MELK: variants seen among roughly 807,000 people sequenced by gnomAD.
MELK encodes the protein pEg3 kinase.
In MELK, 81 loss-of-function variants were observed where a neutral mutation model predicts 85.0. The ratio of observed to expected loss-of-function variants is 0.95; its 90% CI spans 0.80 to 1.15. MELK has a LOEUF of 1.15. Among genes scored for constraint, MELK ranks in the 50% most tolerant of loss-of-function variants. The pLI is 0.00. For missense variants in MELK, 754 were observed against 777.5 expected (o/e 0.97, Z 0.36); for synonymous variants, 252 against 265.0 (o/e 0.95, Z 0.48).
At chr9:36,658,017 G>A (rs560934867) in intron 13 of MELK, among the ~76,000 whole-genome samples, 1 of 151,476 alleles carries the variant, frequency 6.6e-6, no homozygotes, top group Admixed American at 6.6e-5. Flanking sequence ...CCAAAATTAA[G>A]ATATAAAACA....
intron 7 of MELK, among the ~76,000 whole-genome samples, chr9:36,605,370 G>T (rs141774239): frequency 6.6e-6 from 1 of 151,794 alleles, no homozygotes; most frequent in East Asian, 1.9e-4. Flanking sequence ...TACCACACCC[G>T]GCCAAATTTT....
At chr9:36,601,076 A>C (rs1224307189) in intron 7 of MELK, among the ~76,000 whole-genome samples, 1 of 151,536 alleles carries the variant, frequency 6.6e-6, no homozygotes, top group Non-Finnish European at 1.5e-5. Flanking sequence ...TCCTTTTATT[A>C]CTCAATATTT....
chr9:36,591,978 C>T (rs888258465), intron 4 of MELK, among the ~76,000 whole-genome samples: 1 of 151,778 alleles, frequency 6.6e-6, no homozygotes, highest in Non-Finnish European at 1.5e-5. Flanking sequence ...CTCTCTTTCC[C>T]CTACATCCCA....
At chr9:36,658,119 T>C (rs1238014241) in intron 13 of MELK, among the ~76,000 whole-genome samples, 7 of 152,194 alleles carry the variant, frequency 4.6e-5, no homozygotes, top group Admixed American at 4.6e-4. Context: ...TCTTTCCTTT[T>C]GATAATCTTT....
intron 14 of MELK, among the ~76,000 whole-genome samples, chr9:36,668,757 CCCTCCTCG>C: frequency 6.6e-6 from 1 of 152,010 alleles, no homozygotes; most frequent in Admixed American, 6.5e-5. Context: ...TCATGATCCG[CCCTCCTCG>C]GCCTCCCAAG....
chr9:36,624,349 GGATTTGA>G (rs1424733319), intron 8 of MELK, among the ~76,000 whole-genome samples: 17 of 152,264 alleles, frequency 1.1e-4, no homozygotes, highest in Admixed American at 9.2e-4. Flanking sequence ...GGTAGATCCT[GGATTTGA>G]ACCTAGCCAA....
intron 8 of MELK, among the ~76,000 whole-genome samples, chr9:36,611,649 C>G (rs923087171): frequency 3.4e-4 from 51 of 151,928 alleles, no homozygotes; most frequent in Non-Finnish European, 1.8e-4. Flanking sequence ...GTCTTAGTTT[C>G]TTTGTCTGTA....
intron 8 of MELK, among the ~76,000 whole-genome samples, chr9:36,626,939 CAA>C (rs916058996): frequency 2.3e-5 from 3 of 131,444 alleles, no homozygotes; most frequent in African/African-American, 8.6e-5. Flanking sequence ...GCCTGGGCAA[CAA>C]GAGTGAAACT....
At chr9:36,657,430 T>C in intron 13 of MELK, 67 bp downstream of exon 13, 1 of 1,503,578 alleles carries the variant, frequency 6.7e-7, no homozygotes, top group African/African-American at 1.4e-5. Context: ...ACCAGACTAA[T>C]GTGAAACCAA....
chr9:36,610,274 T>G (rs1825954459), intron 8 of MELK, among the ~76,000 whole-genome samples: 1 of 152,234 alleles, frequency 6.6e-6, no homozygotes, highest in Admixed American at 6.5e-5. Flanking sequence ...ACACCAAGTC[T>G]AAGGACACTG....
At chr9:36,655,879 G>A (rs1474637823) in intron 12 of MELK, among the ~76,000 whole-genome samples, 1 of 152,160 alleles carries the variant, frequency 6.6e-6, no homozygotes, top group Non-Finnish European at 1.5e-5. Flanking sequence ...AATATTGTCT[G>A]TTTGAATAGT....
At position 36,651,838 on chromosome 9, in the gene MELK, C is replaced by G. The variant is rs769756151; in HGVS notation, c.1014C>G (p.Ser338=). 3.1e-6 allele frequency: 5 copies of G among 1,613,970 alleles called. No homozygotes were observed. Residue 338 remains serine, a synonymous_variant, in exon 12 of 18, where the codon TCC becomes TCG. Transcript: ENST00000298048. ...KPVRLRLSSF[S]CGQASATPFT... ...TTCGTTTAAGGCTTTCTTCTTTCTC[C>G]TGTGGACAAGCCAGTGCTACCCCAT...
chr9:36,673,074 A>C (rs1402337527), intron 16 of MELK, among the ~76,000 whole-genome samples: 1 of 152,230 alleles, frequency 6.6e-6, no homozygotes, highest in Non-Finnish European at 1.5e-5. Context: ...AATCATATGT[A>C]GTTATGTCCT....
At chr9:36,641,807 A>G (rs1333995551) in intron 10 of MELK, among the ~76,000 whole-genome samples, 1 of 151,972 alleles carries the variant, frequency 6.6e-6, no homozygotes, top group Non-Finnish European at 1.5e-5. Context: ...GGGTTTCTCC[A>G]TGTTGGTCAG....
chr9:36,601,779 A>C (rs1326127205), intron 7 of MELK, among the ~76,000 whole-genome samples: 1 of 152,166 alleles, frequency 6.6e-6, no homozygotes, highest in Non-Finnish European at 1.5e-5. Flanking sequence ...GTCTCTATGA[A>C]TTTGACTAAT....
chr9:36,636,774 T>TCTG (rs1564190977), intron 10 of MELK, among the ~76,000 whole-genome samples: 12 of 105,884 alleles, frequency 1.1e-4, no homozygotes, highest in African/African-American at 4.5e-4. Context: ...CTTTCTTTCT[T>TCTG]TCTTTCTTTC....
Position 36,674,937 on chromosome 9 carries a change from G to C in MELK, c.1778G>C (p.Gly593Ala). The C allele has an allele frequency of 6.4e-7, 1 of 1,558,602 alleles. No homozygotes were observed. Among genetic ancestry groups the C allele is most frequent in the South Asian group, 1.1e-5 (1 of 89,288 alleles). ...AAGCATGTTGACTTTGTACAAAAGGGGTAAGAAGCACATTTACAAGCTGTT... is the reference window on the plus strand; with the variant it reads ...AAGCATGTTGACTTTGTACAAAAGGCGTAAGAAGCACATTTACAAGCTGTT... ...PKKHVDFVQKGYTLKCQTQSD... is the reference protein window; with the variant it reads ...PKKHVDFVQKAYTLKCQTQSD... The change falls in exon 17 of 18, where the codon GGT becomes GCT. Residue 593 changes from glycine to alanine, a missense_variant and splice_region_variant. Gly to Ala is a moderately conservative substitution (Grantham distance 60). Transcript: ENST00000298048.
chr9:36,615,212 T>A, intron 8 of MELK, among the ~76,000 whole-genome samples: 1 of 117,556 alleles, frequency 8.5e-6, no homozygotes, highest in East Asian at 2.8e-4. Context: ...CCCCCCCACC[T>A]CCCTCCCAGA....
At chr9:36,594,567 A>T in intron 4 of MELK, 61 bp from the exon 5 acceptor site, 1 of 1,560,428 alleles carries the variant, frequency 6.4e-7, no homozygotes, top group Non-Finnish European at 8.7e-7. Flanking sequence ...TTTTTATTTT[A>T]AATTTCTGTG....
Sources: allele counts gnomAD v4.1 joint callset (sites outside exome capture counted in the v4.1 genomes callset), GRCh38; gene constraint gnomAD v4.1.1; transcripts MANE v1.5; gene names NCBI Gene and HGNC (gene_info 2026-07-23, HGNC 2026-07-21).